The following CACNA2D1 variants were observed in gnomAD, a reference collection of about 807,000 sequenced individuals.
The protein encoded by CACNA2D1 is calcium voltage-gated channel auxiliary subunit alpha2delta 1.
Under a neutral mutation model 171.5 loss-of-function variants are expected in CACNA2D1, and 53 were observed. That is an observed-to-expected ratio of 0.31 (90% CI 0.25 to 0.39). The LOEUF (loss-of-function observed/expected upper bound fraction) is 0.39, where lower values mean the gene tolerates loss of function less well. Ranked by LOEUF, CACNA2D1 falls within the 10% of genes least tolerant of loss-of-function variation. The probability of loss-of-function intolerance (pLI) is 1.00; values close to 1 mark genes in which losing one functional copy is unlikely to be tolerated. For missense variants in CACNA2D1, 903 were observed against 1,299.8 expected, an observed-to-expected ratio of 0.69 and a Z score of 4.69; for synonymous variants, 442 against 443.1, an observed-to-expected ratio of 1.00 and a Z score of 0.03.
intron 3 of CACNA2D1, among the ~76,000 whole-genome samples, chr7:82,174,326 T>G (rs1410623663): frequency 3.3e-5 from 5 of 152,032 alleles, no homozygotes. Flanking sequence ...CTGCTAATAT[T>G]ACGATATTCA....
chr7:82,128,300 C>A (rs1020830074), intron 5 of CACNA2D1, among the ~76,000 whole-genome samples: 1 of 152,102 alleles, frequency 6.6e-6, no homozygotes, highest in African/African-American at 2.4e-5. Flanking sequence ...TTATATTATA[C>A]AATCGTAAGG....
At chr7:82,187,080 C>T (rs1407529446) in intron 3 of CACNA2D1, among the ~76,000 whole-genome samples, 2 of 151,982 alleles carry the variant, frequency 1.3e-5, no homozygotes, top group African/African-American at 4.8e-5. Context: ...TTTTAAGATC[C>T]ATGTATCTAA....
At chr7:82,154,118 C>T (rs1296644330) in intron 4 of CACNA2D1, among the ~76,000 whole-genome samples, 6 of 152,078 alleles carry the variant, frequency 3.9e-5, no homozygotes, top group South Asian at 2.1e-4. Flanking sequence ...CCTGTAGGAC[C>T]GTGAAAAACA....
At chr7:82,132,540 C>T (rs1791114941) in intron 5 of CACNA2D1, among the ~76,000 whole-genome samples, 7 of 152,150 alleles carry the variant, frequency 4.6e-5, no homozygotes, top group Admixed American at 4.6e-4. Flanking sequence ...GGGCATGTCT[C>T]CCATTGTCAC....
At chr7:82,189,661 A>G (rs1011654740) in intron 3 of CACNA2D1, among the ~76,000 whole-genome samples, 2 of 151,964 alleles carry the variant, frequency 1.3e-5, no homozygotes, top group South Asian at 4.1e-4. Context: ...AAGTCTGAGT[A>G]AAGACTCAGA....
chr7:81,959,947 C>G (rs773189130), intron 36 of CACNA2D1, 118 bp from the exon 37 acceptor site: 1 of 1,442,930 alleles, frequency 6.9e-7, no homozygotes, highest in South Asian at 1.3e-5. Context: ...AAACAGAAAC[C>G]ATTCCCAGCA....
intron 3 of CACNA2D1, among the ~76,000 whole-genome samples, chr7:82,170,901 T>C (rs982616879): frequency 7.2e-5 from 11 of 152,104 alleles, no homozygotes; most frequent in African/African-American, 2.7e-4. Flanking sequence ...CAATGACTAA[T>C]ACTTCAGTTT....
At chr7:82,019,790 G>T (rs1800965309) in intron 12 of CACNA2D1, among the ~76,000 whole-genome samples, 1 of 151,852 alleles carries the variant, frequency 6.6e-6, no homozygotes, top group Admixed American at 6.6e-5. Context: ...AATCTCCAAA[G>T]AATAATGGAA....
chr7:82,146,353 T>A (rs1264774761), intron 4 of CACNA2D1, among the ~76,000 whole-genome samples: 2 of 143,596 alleles, frequency 1.4e-5, no homozygotes, highest in Admixed American at 1.4e-4. Flanking sequence ...GAAGAAATGA[T>A]ATATATATAT....
At chr7:82,332,529 A>AGAAAGAAAGAAAGAAAGAAG in intron 3 of CACNA2D1, among the ~76,000 whole-genome samples, 1 of 53,026 alleles carries the variant, frequency 1.9e-5, no homozygotes, top group East Asian at 1.1e-3. Flanking sequence ...AAAGAAAGAA[A>AGAAAGAAAGAAAGAAAGAAG]GAAAGAAAGA....
chr7:82,364,273 A>G (rs1821428342), intron 1 of CACNA2D1, among the ~76,000 whole-genome samples: 1 of 152,220 alleles, frequency 6.6e-6, no homozygotes, highest in Non-Finnish European at 1.5e-5. Context: ...AGGGCACTGC[A>G]GCTGGAGACA....
At chr7:82,146,436 A>G (rs1230072296) in intron 4 of CACNA2D1, among the ~76,000 whole-genome samples, 4 of 129,708 alleles carry the variant, frequency 3.1e-5, no homozygotes, top group African/African-American at 1.1e-4. Context: ...ATACATATTT[A>G]TATTTATATA....
intron 4 of CACNA2D1, among the ~76,000 whole-genome samples, chr7:82,150,276 C>CAAAAAAA (rs1563122961): frequency 1.3e-5 from 1 of 76,960 alleles, no homozygotes; most frequent in Non-Finnish European, 2.3e-5. Flanking sequence ...AAAACAAAAA[C>CAAAAAAA]AACAACAAAA....
In CACNA2D1 at chr7:81,961,909, C is replaced by T; in HGVS notation, c.2951G>A (p.Cys984Tyr). ...DSKSFSGVLD[C>Y]GNCSRIFHGE... ...AATAAATTACCTGGAACAGTTTCCA[C>T]AGTCTAATACACCACTGAATGATTT... Residue 984 changes from cysteine to tyrosine, a missense_variant, in exon 36 of 39, where the codon TGT (cysteine) becomes TAT (tyrosine). This residue lies in a region of CACNA2D1 where 623 missense variants were observed against 925.5 expected (regional missense o/e 0.67). Coordinates refer to ENST00000356860, the MANE Select transcript of CACNA2D1 (RefSeq NM_000722.4). The T allele has an allele frequency of 6.2e-7, 1 of 1,609,198 alleles. No homozygotes were observed. Among genetic ancestry groups the T allele is most frequent in the Non-Finnish European group, 8.5e-7 (1 of 1,176,064 alleles).
chr7:82,203,785 A>G (rs1040679933), intron 3 of CACNA2D1, among the ~76,000 whole-genome samples: 1 of 152,222 alleles, frequency 6.6e-6, no homozygotes, highest in African/African-American at 2.4e-5. Flanking sequence ...GTAACTGCAT[A>G]TGCTGCCCTT....
At chr7:82,333,131 C>T (rs1041387912) in intron 3 of CACNA2D1, among the ~76,000 whole-genome samples, 15 of 152,122 alleles carry the variant, frequency 9.9e-5, no homozygotes, top group African/African-American at 3.1e-4. Context: ...ATAAGAGATA[C>T]TATTTATAAA....
At chr7:82,440,986 A>G (rs560830726) in intron 1 of CACNA2D1, among the ~76,000 whole-genome samples, 2 of 151,808 alleles carry the variant, frequency 1.3e-5, no homozygotes, top group South Asian at 4.1e-4. Context: ...AAACCCAAAA[A>G]TATTTACTAA....
intron 3 of CACNA2D1, among the ~76,000 whole-genome samples, chr7:82,289,414 C>T (rs28709395): frequency 0.082 from 12,443 of 152,124 alleles, 1,699 homozygotes; most frequent in African/African-American, 0.28. Flanking sequence ...CATTTGACAA[C>T]TGAAATTGTT....
intron 6 of CACNA2D1, among the ~76,000 whole-genome samples, chr7:82,089,435 C>T (rs945461669): frequency 1.3e-5 from 2 of 152,114 alleles, no homozygotes; most frequent in Non-Finnish European, 2.9e-5. Context: ...TTATAGATGT[C>T]CAAGGCCAAG....
Sources: allele counts gnomAD v4.1 joint callset (sites outside exome capture counted in the v4.1 genomes callset), GRCh38; gene constraint gnomAD v4.1.1; regional missense constraint gnomAD v4.1.1; transcripts MANE v1.5; gene names NCBI Gene and HGNC (gene_info 2026-07-23, HGNC 2026-07-21).